The following CHN2 variants were observed in gnomAD, a reference collection of about 807,000 sequenced individuals.
The protein encoded by CHN2 is beta-chimaerin.
Under a neutral mutation model 56.3 loss-of-function variants are expected in CHN2, and 35 were observed. The observed-to-expected ratio is 0.62, with a 90% CI of 0.47 to 0.82. The LOEUF is 0.82. Among genes scored for constraint, CHN2 ranks in the 40% least tolerant of loss-of-function variants. The pLI, the probability that CHN2 is intolerant of heterozygous loss-of-function variation, is 0.00. For synonymous variants in CHN2, 210 were observed against 212.8 expected (o/e 0.99, Z 0.12); for missense variants, 491 against 580.5 (o/e 0.85, Z 1.58).
At chr7:29,500,803 G>A (rs1310021651) in intron 9 of CHN2, among the ~76,000 whole-genome samples, 1 of 152,136 alleles carries the variant, frequency 6.6e-6, no homozygotes, top group Non-Finnish European at 1.5e-5. Flanking sequence ...TCGAAGAGGA[G>A]AGTTCAAAGA....
intron 1 of CHN2, among the ~76,000 whole-genome samples, chr7:29,261,385 C>T (rs559432260): frequency 1.1e-3 from 168 of 152,268 alleles, no homozygotes; most frequent in African/African-American, 3.9e-3. Flanking sequence ...GAGCAGTTGG[C>T]GGTTATCTTC....
At chr7:29,196,558 A>T (rs1048966458) in intron 1 of CHN2, among the ~76,000 whole-genome samples, 1 of 152,222 alleles carries the variant, frequency 6.6e-6, no homozygotes, top group Non-Finnish European at 1.5e-5. Flanking sequence ...TTGGCTTTCT[A>T]TTAGCATATG....
intron 2 of CHN2, among the ~76,000 whole-genome samples, chr7:29,174,162 A>G (rs1481982433): frequency 3.3e-5 from 5 of 152,048 alleles, no homozygotes; most frequent in African/African-American, 1.2e-4. Flanking sequence ...AGGATGCAGG[A>G]GGAGGTGGCT....
intron 1 of CHN2, among the ~76,000 whole-genome samples, chr7:29,229,766 C>G (rs1786519779): frequency 6.6e-6 from 1 of 152,022 alleles, no homozygotes; most frequent in Admixed American, 6.6e-5. Context: ...TTGTTTGAGC[C>G]CAGAGGTTCA....
At chr7:29,189,289 C>T (rs1799110215) in intron 2 of CHN2, among the ~76,000 whole-genome samples, 2 of 152,040 alleles carry the variant, frequency 1.3e-5, no homozygotes, top group African/African-American at 4.8e-5. Context: ...GCCTCGTATA[C>T]TCCCTGGCAC....
chr7:29,512,542 G>A, intron 12 of CHN2, 22 bp from the exon 13 acceptor site: 2 of 1,602,230 alleles, frequency 1.2e-6, no homozygotes, highest in South Asian at 1.1e-5. Flanking sequence ...TAATGTCTCT[G>A]TTCTATATGT....
chr7:29,426,764 T>C (rs1238776084), intron 6 of CHN2, among the ~76,000 whole-genome samples: 2 of 152,180 alleles, frequency 1.3e-5, no homozygotes, highest in African/African-American at 4.8e-5. Flanking sequence ...ATCTGAGTGC[T>C]CTGGGGAGGA....
intron 1 of CHN2, among the ~76,000 whole-genome samples, chr7:29,243,280 G>C (rs769482974): frequency 1.1e-4 from 16 of 151,926 alleles, no homozygotes; most frequent in Non-Finnish European, 2.4e-4. Context: ...ATTTTTCATA[G>C]AACAATTCTA....
chr7:29,400,515 T>G (rs190512543), intron 5 of CHN2, 28 bp from the exon 6 acceptor site: 1 of 1,609,292 alleles, frequency 6.2e-7, no homozygotes, highest in East Asian at 2.2e-5. Flanking sequence ...TCTAACGTGG[T>G]TGTAATCCCT....
chr7:29,437,656 A>C (rs1035492714), intron 6 of CHN2, among the ~76,000 whole-genome samples: 2 of 151,894 alleles, frequency 1.3e-5, no homozygotes, highest in Non-Finnish European at 1.5e-5. Context: ...AAGAATCCAA[A>C]AGCAGCTTCT....
intron 1 of CHN2, among the ~76,000 whole-genome samples, chr7:29,225,497 G>A (rs763229549): frequency 6.6e-5 from 10 of 152,094 alleles, no homozygotes; most frequent in East Asian, 3.9e-4. Flanking sequence ...AGTGCCTTCT[G>A]ACTATCCATT....
chr7:29,218,991 A>T (rs77018537), intron 1 of CHN2, among the ~76,000 whole-genome samples: 1 of 151,068 alleles, frequency 6.6e-6, no homozygotes, highest in Non-Finnish European at 1.5e-5. Flanking sequence ...GGAAAAAAAA[A>T]GTTAGGTTCT....
At position 29,440,433 on chromosome 7, in the gene CHN2, G is replaced by C. The variant is rs111421085; in HGVS notation, c.576+39605G>C. ...AGGCTGGGCGTGGTAGCTCACAGCT[G>C]TAATCTTAGCACTTTGGGAGGCCGA... On this transcript the variant is annotated intron_variant, in intron 6 of 12. Transcript: ENST00000222792. Among the ~76,000 whole-genome samples, 448 of 152,228 alleles carry C rather than the reference G, an allele frequency of 2.9e-3. 3 individuals are homozygous for C. The highest frequency in any genetic ancestry group is 9.5e-3 in the African/African-American group (393 of 41,548).
chr7:29,255,945 C>T (rs1460952612), intron 1 of CHN2, among the ~76,000 whole-genome samples: 1 of 152,174 alleles, frequency 6.6e-6, no homozygotes, highest in Non-Finnish European at 1.5e-5. Flanking sequence ...AGTTACCAAG[C>T]CTCTTACTGG....
chr7:29,269,990 C>G (rs1790488596), intron 1 of CHN2, among the ~76,000 whole-genome samples: 1 of 152,228 alleles, frequency 6.6e-6, no homozygotes, highest in South Asian at 2.1e-4. Context: ...GCTTTATCCA[C>G]TGTGAAACCA....
At chr7:29,488,835 A>C (rs922818216) in intron 7 of CHN2, among the ~76,000 whole-genome samples, 1 of 152,162 alleles carries the variant, frequency 6.6e-6, no homozygotes, top group Non-Finnish European at 1.5e-5. Flanking sequence ...CCCCACAACA[A>C]AGAATTTTCC....
chr7:29,353,300 C>G (rs1400922045), intron 1 of CHN2, among the ~76,000 whole-genome samples: 1 of 152,190 alleles, frequency 6.6e-6, no homozygotes, highest in East Asian at 1.9e-4. Flanking sequence ...TTATAAAGAG[C>G]ATATTTGTTT....
chr7:29,269,890 C>G (rs1159121525), intron 1 of CHN2, among the ~76,000 whole-genome samples: 1 of 152,010 alleles, frequency 6.6e-6, no homozygotes, highest in African/African-American at 2.4e-5. Flanking sequence ...GGCTTCTGAC[C>G]CTCCCTCATT....
At chr7:29,260,265 C>T (rs1789425463) in intron 1 of CHN2, among the ~76,000 whole-genome samples, 1 of 152,206 alleles carries the variant, frequency 6.6e-6, no homozygotes, top group Admixed American at 6.5e-5. Context: ...GTATGAGCCA[C>T]CGCACCTGGA....
Sources: gnomAD v4.1 joint callset for allele counts (sites outside exome capture counted in the v4.1 genomes callset) on GRCh38, gnomAD v4.1.1 for gene constraint, MANE v1.5 for transcripts, NCBI Gene and HGNC (gene_info 2026-07-23, HGNC 2026-07-21) for gene names.